ALKBH1: variants seen among roughly 807,000 people sequenced by gnomAD.
ALKBH1 encodes alkB homolog 1, histone H2A dioxygenase.
Under a neutral mutation model 36.6 loss-of-function variants are expected in ALKBH1, and 31 were observed. The observed-to-expected ratio is 0.85, with a 90% CI of 0.64 to 1.14. The LOEUF (loss-of-function observed/expected upper bound fraction) is 1.14. Ranked by LOEUF, ALKBH1 falls within the 50% of genes most tolerant of loss-of-function variation. The pLI is 0.00. For missense variants in ALKBH1, 490 were observed against 497.3 expected, an observed-to-expected ratio of 0.99 and a Z score of 0.14; for synonymous variants, 183 against 186.6, an observed-to-expected ratio of 0.98 and a Z score of 0.16.
intron 3 of ALKBH1, among the ~76,000 whole-genome samples, chr14:77,690,044 G>C (rs2080288999): frequency 6.6e-6 from 1 of 152,030 alleles, no homozygotes. Flanking sequence ...AGAATGAGGG[G>C]AAGTAGGAGA....
In ALKBH1 at chr14:77,684,518, C is replaced by T. The variant is rs763515205; in HGVS notation, c.456-4548G>A. Among the ~76,000 whole-genome samples, 134 of 152,142 alleles carry T rather than the reference C, an allele frequency of 8.8e-4. 1 individual carries two copies. Among genetic ancestry groups the T allele is most frequent in the Admixed American group, 3.4e-3 (52 of 15,274 alleles). On this transcript the variant is annotated intron_variant, in intron 3 of 5. Coordinates refer to ENST00000216489, the MANE Select transcript of ALKBH1 (RefSeq NM_006020.3). ...CTTGGATTACAGGCATGCACCACCA[C>T]GCCCGGCTAATTTTGTATTTTTAGT...
intron 2 of ALKBH1, 54 bp downstream of exon 2, chr14:77,704,315 T>C (rs2080376134): frequency 2.4e-6 from 3 of 1,263,820 alleles, no homozygotes; most frequent in South Asian, 1.2e-5. Flanking sequence ...TTTGAAGACA[T>C]GAAGACATAA....
intron 4 of ALKBH1, among the ~76,000 whole-genome samples, chr14:77,679,127 T>C (rs1429015672): frequency 6.6e-6 from 1 of 152,126 alleles, no homozygotes; most frequent in South Asian, 2.1e-4. Flanking sequence ...GGTATCCATA[T>C]GTTGAAAGTT....
rs1487439731 is a variant in ALKBH1, at chr14:77,704,456, C to T, written c.205G>A (p.Val69Met). The T allele has an allele frequency of 3.7e-6, 6 of 1,613,978 alleles. No homozygotes were observed. Among genetic ancestry groups the T allele is most frequent in the Non-Finnish European group, 5.1e-6 (6 of 1,179,966 alleles). The change falls in exon 2 of 6, where the codon GTG becomes ATG. Residue 69 changes from valine to methionine, a missense_variant. Physicochemically the swap from Val to Met is conservative, Grantham distance 21. Transcript: ENST00000216489. ...GCATTCTGCTCACTGACAGAAGACA[C>T]ATTTAGCTGAGATTTGATCACCTGG... ...AQKVIKSQLN[V>M]SSVSEQNAYR...
intron 3 of ALKBH1, among the ~76,000 whole-genome samples, chr14:77,685,246 C>G (rs2080261468): frequency 6.6e-6 from 1 of 151,978 alleles, no homozygotes; most frequent in South Asian, 2.1e-4. Context: ...AGTTCAAGAC[C>G]AGCCTGGCCA....
chr14:77,672,915 A>G lies in ALKBH1; in HGVS notation c.*897T>C, dbSNP rs1024273972. The G allele has an allele frequency of 1.3e-5, 2 of 152,200 alleles. No homozygotes were observed. Among genetic ancestry groups the G allele is most frequent in the Non-Finnish European group, 2.9e-5 (2 of 68,034 alleles). 9.4% of individuals were successfully genotyped at this position (152,200 alleles called of 1,614,324 possible). Reference sequence around the variant, plus strand: ...TGTGAGACAGCCACAAAGAATACTTAGGGCACAGCAGAATGGTGTAGGGCA... The same window carrying G: ...TGTGAGACAGCCACAAAGAATACTTGGGGCACAGCAGAATGGTGTAGGGCA... On this transcript the variant is annotated 3_prime_UTR_variant, in exon 6 of 6. Transcript: ENST00000216489.
Position 77,673,740 on chromosome 14 carries a change from A to C in ALKBH1, c.*72T>G. On this transcript the variant is annotated 3_prime_UTR_variant, in exon 6 of 6. Transcript: ENST00000216489. The stretch of plus-strand genomic sequence containing the variant: ...TTGGCTTGTCTGGGTGCTGAAGTCC[A>C]CGGCAATACACAATAACATGATCAT... The C allele has an allele frequency of 6.8e-7, 1 of 1,472,170 alleles. No individual in the cohort carries two copies. The highest frequency in any genetic ancestry group is 9.2e-7 in the Non-Finnish European group (1 of 1,084,036). 91.2% of individuals were successfully genotyped at this position (1,472,170 alleles called of 1,614,324 possible).
chr14:77,705,705 A>C (rs2080385558), intron 1 of ALKBH1, among the ~76,000 whole-genome samples: 1 of 152,178 alleles, frequency 6.6e-6, no homozygotes, highest in Non-Finnish European at 1.5e-5. Flanking sequence ...CAAAACATTA[A>C]AGGAAAAAAC....
At chr14:77,699,479 G>A (rs1223632780) in intron 2 of ALKBH1, among the ~76,000 whole-genome samples, 1 of 152,174 alleles carries the variant, frequency 6.6e-6, no homozygotes, top group East Asian at 1.9e-4. Flanking sequence ...GCCTACAAGT[G>A]TCAGACACTG....
At chr14:77,706,933 A>G (rs536071337) in intron 1 of ALKBH1, among the ~76,000 whole-genome samples, 1 of 152,372 alleles carries the variant, frequency 6.6e-6, no homozygotes, top group East Asian at 1.9e-4. Flanking sequence ...ATCTGTGGAC[A>G]ACACCAAGAG....
At chr14:77,695,046 T>C (rs2080319788) in intron 2 of ALKBH1, 146 bp from the exon 3 acceptor site, 1 of 566,178 alleles carries the variant, frequency 1.8e-6, no homozygotes, top group African/African-American at 1.9e-5. Flanking sequence ...ACAGGTAGGT[T>C]TTGATGAACA....
chr14:77,691,470 G>A (rs1468108096), intron 3 of ALKBH1, among the ~76,000 whole-genome samples: 1 of 152,104 alleles, frequency 6.6e-6, no homozygotes, highest in Non-Finnish European at 1.5e-5. Context: ...GAGCTGCCAG[G>A]TACTGTCCAC....
chr14:77,684,641 G>C (rs1185469631), intron 3 of ALKBH1, among the ~76,000 whole-genome samples: 1 of 152,170 alleles, frequency 6.6e-6, no homozygotes, highest in Non-Finnish European at 1.5e-5. Context: ...GCTTGCTGCA[G>C]GCTCAAGTAA....
intron 3 of ALKBH1, among the ~76,000 whole-genome samples, chr14:77,682,523 A>C (rs1018788761): frequency 6.6e-6 from 1 of 152,168 alleles, no homozygotes; most frequent in Non-Finnish European, 1.5e-5. Context: ...ATGCTGTTGA[A>C]GAAAAGGATG....
intron 3 of ALKBH1, among the ~76,000 whole-genome samples, chr14:77,687,515 TTTATAA>T (rs1161766972): frequency 1.3e-5 from 2 of 152,138 alleles, no homozygotes; most frequent in African/African-American, 4.8e-5. Context: ...TTTCCTTCCC[TTTATAA>T]TTAAACTTTT....
intron 4 of ALKBH1, 135 bp from the exon 5 acceptor site, chr14:77,675,984 C>A: frequency 1.3e-6 from 1 of 757,974 alleles, no homozygotes; most frequent in South Asian, 2.0e-5. Flanking sequence ...ATTATCTATC[C>A]ATTCTTTTCT....
In ALKBH1 at chr14:77,707,911, G is replaced by C. The variant is rs1475592215; in HGVS notation, c.94C>G (p.Gln32Glu). ...AGGTCTGCGGTCCCGGGCCGGCTCTGACGGTAGAAGCGGAAAAGTTTCCGA... is the reference window on the plus strand; with the variant it reads ...AGGTCTGCGGTCCCGGGCCGGCTCTCACGGTAGAAGCGGAAAAGTTTCCGA... ...AFRKLFRFYR[Q>E]SRPGTADLEG... Residue 32 changes from glutamine (Q) to glutamate (E), a missense_variant, in exon 1 of 6, where the codon CAG becomes GAG. Coordinates refer to ENST00000216489, the MANE Select transcript of ALKBH1 (RefSeq NM_006020.3). 7 of 1,613,286 alleles carry C rather than the reference G, an allele frequency of 4.3e-6. No homozygotes were observed. The South Asian group carries it at 7.7e-5, about 18-fold the overall frequency.
chr14:77,675,605 A>G, intron 5 of ALKBH1, 51 bp downstream of exon 5: 4 of 1,505,348 alleles, frequency 2.7e-6, no homozygotes, highest in Non-Finnish European at 3.6e-6. Context: ...ATGTCTTAGA[A>G]AAAAGAATTA....
intron 3 of ALKBH1, among the ~76,000 whole-genome samples, chr14:77,689,503 T>C (rs1462577152): frequency 2.6e-5 from 4 of 152,198 alleles, no homozygotes; most frequent in South Asian, 2.1e-4. Flanking sequence ...ATTGTTCTTA[T>C]TGGACTAATA....
Sources: allele counts gnomAD v4.1 joint callset (sites outside exome capture counted in the v4.1 genomes callset), GRCh38; gene constraint gnomAD v4.1.1; transcripts MANE v1.5; gene names NCBI Gene and HGNC (gene_info 2026-07-23, HGNC 2026-07-21).